The following TENM2 variants were observed in gnomAD, a reference collection of about 807,000 sequenced individuals.
The protein encoded by TENM2 is teneurin transmembrane protein 2.
In TENM2, 52 loss-of-function variants were observed where a neutral mutation model predicts 245.2. That is an observed-to-expected ratio of 0.21 (90% CI 0.17 to 0.27). The LOEUF is 0.27. TENM2 is among the 10% of genes least tolerant of loss of function. TENM2 has a pLI of 1.00. For missense variants in TENM2, 3,046 were observed against 3,666.8 expected, an observed-to-expected ratio of 0.83 and a Z score of 4.37; for synonymous variants, 1,363 against 1,438.9, an observed-to-expected ratio of 0.95 and a Z score of 1.19.
intron 4 of TENM2, among the ~76,000 whole-genome samples, chr5:167,960,513 C>T (rs1316012465): frequency 6.6e-6 from 1 of 152,080 alleles, no homozygotes; most frequent in African/African-American, 2.4e-5. Flanking sequence ...AAACTACTTA[C>T]TCAAGCCTCA....
At chr5:167,082,713 A>G in the TENM2 span, among the ~76,000 whole-genome samples, 1 of 152,188 alleles carries the variant, frequency 6.6e-6, no homozygotes, top group African/African-American at 2.4e-5. Context: ...TTAGGAAAAA[A>G]GTAGTAGGTT....
chr5:167,098,097 G>A, the TENM2 span, among the ~76,000 whole-genome samples: 12 of 152,204 alleles, frequency 7.9e-5, no homozygotes, highest in Admixed American at 2.6e-4. Context: ...CTACCTTTAT[G>A]TGGTCACCAT....
In TENM2 at chr5:168,046,669, G is replaced by T. The variant is rs149802524; in HGVS notation, c.1187-758G>T. 5.3e-3 allele frequency among the ~76,000 whole-genome samples: 814 copies of T among 152,256 alleles called. 4 individuals are homozygous for T. The highest frequency in any genetic ancestry group is 0.019 in the African/African-American group (780 of 41,540). ...CAGACGTGCTCAGTTCCTTAGCAAA[G>T]AACAGGCAGTATTTCAGAACTCTGT... On this transcript the variant is annotated intron_variant, in intron 5 of 28. Transcript: ENST00000518659.
intron 2 of TENM2, among the ~76,000 whole-genome samples, chr5:167,387,167 C>T (rs751251700): frequency 5.3e-5 from 8 of 151,998 alleles, no homozygotes; most frequent in Non-Finnish European, 1.0e-4. Flanking sequence ...TTGTTTGTGT[C>T]GCCTATGATT....
At chr5:167,827,503 A>G (rs1439314926) in intron 2 of TENM2, among the ~76,000 whole-genome samples, 1 of 152,036 alleles carries the variant, frequency 6.6e-6, no homozygotes, top group Non-Finnish European at 1.5e-5. Flanking sequence ...ATAGGAATTA[A>G]TGCAGTATTT....
At chr5:167,954,241 C>A (rs1183833085) in intron 4 of TENM2, among the ~76,000 whole-genome samples, 1 of 152,014 alleles carries the variant, frequency 6.6e-6, no homozygotes, top group Non-Finnish European at 1.5e-5. Context: ...AGAATGGTTA[C>A]ATAACAAAGT....
intron 2 of TENM2, among the ~76,000 whole-genome samples, chr5:167,451,820 T>C (rs1006478657): frequency 6.6e-6 from 1 of 152,026 alleles, no homozygotes; most frequent in Non-Finnish European, 1.5e-5. Context: ...GGCTAATTTT[T>C]TCGTATTTTT....
intron 2 of TENM2, among the ~76,000 whole-genome samples, chr5:167,661,781 G>A (rs1755222851): frequency 6.6e-6 from 1 of 151,556 alleles, no homozygotes; most frequent in African/African-American, 2.4e-5. Context: ...GTCACTGATA[G>A]CTTAGGCATG....
chr5:167,262,000 G>T, the TENM2 span, among the ~76,000 whole-genome samples: 1 of 152,104 alleles, frequency 6.6e-6, no homozygotes, highest in Admixed American at 6.5e-5. Flanking sequence ...GTGGCCCCAG[G>T]TTCCTCATGT....
the TENM2 span, among the ~76,000 whole-genome samples, chr5:167,083,276 T>C: frequency 6.6e-6 from 1 of 152,202 alleles, no homozygotes. Flanking sequence ...GAAATCTTTT[T>C]GGACTAGCCA....
chr5:168,083,097 C>T (rs1361991531), intron 7 of TENM2, among the ~76,000 whole-genome samples: 1 of 152,218 alleles, frequency 6.6e-6, no homozygotes, highest in Admixed American at 6.5e-5. Flanking sequence ...CAGTGGGCTC[C>T]ACCCAGTTCG....
intron 5 of TENM2, among the ~76,000 whole-genome samples, chr5:168,005,945 C>G (rs979284470): frequency 7.9e-5 from 12 of 152,204 alleles, no homozygotes; most frequent in Middle Eastern, 3.4e-3. Context: ...GTATATATTC[C>G]TGGGAATATA....
chr5:167,693,714 G>GA (rs1321692984), intron 2 of TENM2, among the ~76,000 whole-genome samples: 1 of 151,708 alleles, frequency 6.6e-6, no homozygotes, highest in African/African-American at 2.4e-5. Flanking sequence ...GTTGATAGTG[G>GA]AAAAAATATA....
At chr5:167,251,901 A>G in the TENM2 span, among the ~76,000 whole-genome samples, 6 of 152,168 alleles carry the variant, frequency 3.9e-5, no homozygotes, top group Admixed American at 1.3e-4. Context: ...TGTTGGAGAA[A>G]TATTTATTGA....
At chr5:166,997,150 C>T in the TENM2 span, among the ~76,000 whole-genome samples, 2 of 152,084 alleles carry the variant, frequency 1.3e-5, no homozygotes, top group Non-Finnish European at 2.9e-5. Flanking sequence ...AATGAAAGAA[C>T]AAAAACATCT....
At chr5:167,298,996 G>A (rs150936452) in intron 1 of TENM2, among the ~76,000 whole-genome samples, 8 of 152,284 alleles carry the variant, frequency 5.3e-5, no homozygotes, top group East Asian at 1.9e-4. Flanking sequence ...AAAAAGGAGC[G>A]TCCATACAGG....
At chr5:167,385,173 C>T (rs1381089653) in intron 2 of TENM2, among the ~76,000 whole-genome samples, 1 of 152,064 alleles carries the variant, frequency 6.6e-6, no homozygotes, top group Non-Finnish European at 1.5e-5. Context: ...TGTAGGTGAA[C>T]GTTGGCTAGA....
the TENM2 span, among the ~76,000 whole-genome samples, chr5:167,175,208 T>G: frequency 6.6e-6 from 1 of 152,174 alleles, no homozygotes; most frequent in African/African-American, 2.4e-5. Context: ...TTTTAAAAAA[T>G]TTTAAATATT....
At chr5:167,402,573 C>T (rs1295309757) in intron 2 of TENM2, among the ~76,000 whole-genome samples, 1 of 152,056 alleles carries the variant, frequency 6.6e-6, no homozygotes, top group Non-Finnish European at 1.5e-5. Context: ...TTAATGTCTC[C>T]CATCCTTCAT....
Sources: allele counts gnomAD v4.1 joint callset (sites outside exome capture counted in the v4.1 genomes callset), GRCh38; gene constraint gnomAD v4.1.1; transcripts MANE v1.5; gene names NCBI Gene and HGNC (gene_info 2026-07-23, HGNC 2026-07-21).